The following P2RY12 variants were observed in gnomAD, a reference collection of about 807,000 sequenced individuals.
P2RY12 encodes P2Y purinoceptor 12.
Under a neutral mutation model 4.5 loss-of-function variants are expected in P2RY12, and 3 were observed. The ratio of observed to expected loss-of-function variants is 0.67; its 90% CI spans 0.31 to 1.74. The LOEUF is 1.74. Among genes scored for constraint, P2RY12 ranks in the 40% most tolerant of loss-of-function variants. The pLI is 0.09. For missense variants in P2RY12, 356 were observed against 407.8 expected (o/e 0.87, Z 1.09); for synonymous variants, 148 against 154.1 (o/e 0.96, Z 0.29).
intron 1 of P2RY12, chr3:151,378,319 C>A: frequency 1.2e-6 from 1 of 826,734 alleles, no homozygotes; most frequent in Non-Finnish European, 1.7e-6. Context: ...TTAGGCAAGG[C>A]TGTCTTATTC....
chr3:151,379,217 G>A (rs995852800), intron 1 of P2RY12, among the ~76,000 whole-genome samples: 2 of 152,214 alleles, frequency 1.3e-5, no homozygotes, highest in African/African-American at 4.8e-5. Context: ...TTTGCTGATA[G>A]GTGAGTGTAT....
chr3:151,381,215 A>T (rs532091629), intron 1 of P2RY12, among the ~76,000 whole-genome samples: 1 of 152,280 alleles, frequency 6.6e-6, no homozygotes, highest in East Asian at 1.9e-4. Flanking sequence ...CTATGACACC[A>T]TGTCTTTCCC....
At chr3:151,373,733 A>G (rs117450032) in intron 1 of P2RY12, among the ~76,000 whole-genome samples, 2,302 of 152,254 alleles carry the variant, frequency 0.015, 154 homozygotes, top group East Asian at 0.13. Context: ...GTAGGAATCT[A>G]TTCATCCTAT....
At chr3:151,347,230 A>C (rs1442778646) in intron 1 of P2RY12, among the ~76,000 whole-genome samples, 1 of 152,144 alleles carries the variant, frequency 6.6e-6, no homozygotes, top group Non-Finnish European at 1.5e-5. Context: ...GTTTCCTACA[A>C]AACTAATTTT....
intron 1 of P2RY12, among the ~76,000 whole-genome samples, chr3:151,360,194 G>T (rs1577435329): frequency 6.6e-6 from 1 of 152,196 alleles, no homozygotes; most frequent in East Asian, 1.9e-4. Context: ...AACTTAATCG[G>T]TGGATTCCTC....
chr3:151,360,466 C>T (rs1296468177), intron 1 of P2RY12: 4 of 1,608,720 alleles, frequency 2.5e-6, no homozygotes, highest in South Asian at 1.1e-5. Flanking sequence ...GTATATTTTT[C>T]TCCTCAGGTT....
At chr3:151,349,568 G>T (rs541065935) in intron 1 of P2RY12, among the ~76,000 whole-genome samples, 1 of 151,674 alleles carries the variant, frequency 6.6e-6, no homozygotes, top group South Asian at 2.1e-4. Flanking sequence ...ACAGACAGGA[G>T]CCACTGCACC....
intron 1 of P2RY12, chr3:151,355,109 A>G: frequency 6.3e-7 from 1 of 1,589,670 alleles, no homozygotes; most frequent in Non-Finnish European, 8.6e-7. Context: ...GATCTGCTTT[A>G]TGTTTATGTA....
intron 1 of P2RY12, chr3:151,372,861 CT>C (rs1756363495): frequency 6.0e-5 from 51 of 844,402 alleles, no homozygotes; most frequent in Non-Finnish European, 7.4e-5. Flanking sequence ...ATAGGTGGGC[CT>C]TTTTTTCTTG....
At chr3:151,374,630 G>GTT (rs1445306068) in intron 1 of P2RY12, among the ~76,000 whole-genome samples, 3 of 152,158 alleles carry the variant, frequency 2.0e-5, no homozygotes, top group African/African-American at 7.2e-5. Flanking sequence ...TTGAAGATTT[G>GTT]TTTGCAATTC....
intron 1 of P2RY12, among the ~76,000 whole-genome samples, chr3:151,345,141 G>A (rs887597970): frequency 1.3e-5 from 2 of 152,200 alleles, no homozygotes; most frequent in Admixed American, 1.3e-4. Context: ...GAGAAAGAAA[G>A]TAATTGATCT....
chr3:151,338,928 T>A, intron 2 of P2RY12, 69 bp from the exon 3 acceptor site: 1 of 1,430,832 alleles, frequency 7.0e-7, no homozygotes, highest in Non-Finnish European at 9.7e-7. Context: ...TCTCTGTGTG[T>A]AACTTTTTTG....
At chr3:151,355,984 T>C in intron 1 of P2RY12, 1 of 1,614,154 alleles carries the variant, frequency 6.2e-7, no homozygotes, top group Non-Finnish European at 8.5e-7. Flanking sequence ...CAGCTCATCT[T>C]TGATCTCATG....
rs142844491 is a variant in P2RY12, at chr3:151,372,683, A to C, written c.-180+12009T>G. 99 of 1,613,974 alleles carry C rather than the reference A, an allele frequency of 6.1e-5. No homozygotes were observed. In the African/African-American group the frequency reaches 1.2e-3, roughly 19 times the overall value. On this transcript the variant is annotated intron_variant, in intron 1 of 2. Coordinates refer to ENST00000302632, the MANE Select transcript of P2RY12 (RefSeq NM_022788.5). ...TATCTGGACTGCCTCACAAAATCCA[A>C]AATCCTGTGGGAAAAGCATTTCCAT...
intron 1 of P2RY12, among the ~76,000 whole-genome samples, chr3:151,345,291 A>C (rs891543730): frequency 6.6e-6 from 1 of 152,174 alleles, no homozygotes; most frequent in Non-Finnish European, 1.5e-5. Flanking sequence ...TTGTCCAACA[A>C]CTGTATCCTT....
At chr3:151,348,048 A>G (rs1381558330) in intron 1 of P2RY12, among the ~76,000 whole-genome samples, 4 of 152,094 alleles carry the variant, frequency 2.6e-5, no homozygotes. Flanking sequence ...TGTAAATACT[A>G]CTTTGATGAC....
intron 1 of P2RY12, among the ~76,000 whole-genome samples, chr3:151,358,173 C>T (rs1193493373): frequency 6.6e-6 from 1 of 152,058 alleles, no homozygotes; most frequent in Non-Finnish European, 1.5e-5. Context: ...ATCAATTTAA[C>T]AGTAGCTATT....
intron 1 of P2RY12, chr3:151,382,595 A>G: frequency 8.1e-7 from 1 of 1,241,956 alleles, no homozygotes; most frequent in South Asian, 1.4e-5. Flanking sequence ...TATAAAGCTC[A>G]ATTTATCTTT....
intron 1 of P2RY12, chr3:151,364,976 C>T: frequency 6.2e-7 from 1 of 1,607,534 alleles, no homozygotes; most frequent in Non-Finnish European, 8.5e-7. Flanking sequence ...CTTATAACCT[C>T]AGTAGTGCCT....
Sources: gnomAD v4.1 joint callset for allele counts (sites outside exome capture counted in the v4.1 genomes callset) on GRCh38, gnomAD v4.1.1 for gene constraint, MANE v1.5 for transcripts, NCBI Gene and HGNC (gene_info 2026-07-23, HGNC 2026-07-21) for gene names.